NRDC: variants seen among roughly 807,000 people sequenced by gnomAD.
NRDC encodes nardilysin convertase, also known as nardilysin.
A neutral mutation model predicts 147.1 loss-of-function variants in NRDC; 54 were observed. That is an observed-to-expected ratio of 0.37 (90% CI 0.29 to 0.46). The LOEUF (loss-of-function observed/expected upper bound fraction) is 0.46. Among genes scored for constraint, NRDC ranks in the 20% least tolerant of loss-of-function variants. The probability of loss-of-function intolerance (pLI) is 1.00; values close to 1 mark genes in which losing one functional copy is unlikely to be tolerated. For missense variants in NRDC, 1,082 were observed against 1,370.6 expected (o/e 0.79, Z 3.33); for synonymous variants, 440 against 482.1 (o/e 0.91, Z 1.14).
chr1:51,827,714 A>C, intron 5 of NRDC, 82 bp downstream of exon 5: 3 of 1,039,542 alleles, frequency 2.9e-6, no homozygotes, highest in Non-Finnish European at 4.5e-6. Flanking sequence ...AAAATGGTCT[A>C]GAGATAAAGA....
At chr1:51,838,705 C>G (rs1681103921) in intron 2 of NRDC, among the ~76,000 whole-genome samples, 1 of 151,792 alleles carries the variant, frequency 6.6e-6, no homozygotes, top group Non-Finnish European at 1.5e-5. Flanking sequence ...AAGTAGAACC[C>G]AGGTTTCCTG....
intron 22 of NRDC, chr1:51,795,088 CATA>C (rs1371396317): frequency 1.2e-5 from 17 of 1,456,394 alleles, no homozygotes; most frequent in Non-Finnish European, 1.6e-5. Context: ...TCTGTTTACC[CATA>C]ATACAGTTTC....
intron 3 of NRDC, 71 bp downstream of exon 3, chr1:51,836,060 T>G (rs1260386373): frequency 1.8e-6 from 2 of 1,140,856 alleles, no homozygotes; most frequent in Non-Finnish European, 2.6e-6. Flanking sequence ...TTGCTAATCT[T>G]TGATATCAAT....
intron 6 of NRDC, among the ~76,000 whole-genome samples, chr1:51,824,211 C>T (rs1680342470): frequency 1.3e-5 from 2 of 151,550 alleles, no homozygotes; most frequent in Non-Finnish European, 2.9e-5. Flanking sequence ...TGGCAACCTC[C>T]ACCTCCTGGG....
At chr1:51,862,125 T>C (rs1383691068) in intron 1 of NRDC, 1 of 152,228 alleles carries the variant, frequency 6.6e-6, no homozygotes, top group Admixed American at 6.5e-5. Flanking sequence ...ACAATGTTAG[T>C]ATTAGCTGAT....
chr1:51,792,218 T>C, intron 25 of NRDC, 120 bp from the exon 26 acceptor site: 2 of 1,409,116 alleles, frequency 1.4e-6, no homozygotes, highest in South Asian at 1.2e-5. Context: ...TTTTTCCTAA[T>C]TGGCCCAGGC....
Position 51,873,479 on chromosome 1 carries a change from T to A in NRDC, c.341+4796A>T, listed in dbSNP as rs560547676. On this transcript the variant is annotated intron_variant, in intron 1 of 30. Coordinates refer to ENST00000352171, the MANE Select transcript of NRDC (RefSeq NM_001101662.2). ...CATTATTTTCTATAATATATGGAAT[T>A]TTTATTTATTTATTTATTTATTTAT... Among the ~76,000 whole-genome samples, 218 of 141,876 alleles carry A rather than the reference T, an allele frequency of 1.5e-3. 2 individuals are homozygous for A. Among genetic ancestry groups the A allele is most frequent in the East Asian group, 0.011 (51 of 4,814 alleles). 93.1% of individuals were successfully genotyped at this position (141,876 alleles called of 152,430 possible).
intron 11 of NRDC, chr1:51,815,981 T>C (rs2149204699): frequency 6.4e-6 from 1 of 155,526 alleles, no homozygotes; most frequent in African/African-American, 2.4e-5. Flanking sequence ...ATTTAAATAA[T>C]TGATTTCTTT....
chr1:51,823,636 AAC>A (rs1459556471), intron 7 of NRDC, 26 bp downstream of exon 7: 1 of 1,577,696 alleles, frequency 6.3e-7, no homozygotes, highest in Admixed American at 1.8e-5. Context: ...ACTTCAAGGT[AAC>A]TCTAAGAGCC....
At chr1:51,795,969 T>G (rs1455721268) in intron 22 of NRDC, among the ~76,000 whole-genome samples, 12 of 151,198 alleles carry the variant, frequency 7.9e-5, no homozygotes, top group Admixed American at 7.9e-4. Flanking sequence ...CAGCCTCCAC[T>G]TCCTGGGCTC....
In NRDC at chr1:51,825,285, AC is replaced by A; in HGVS notation, c.1036+1del. Reference sequence around the variant, plus strand: ...AATAAGATGATGTATTTAGTATCTTACCCCAAAAAAATTTTCCCATAGGATG... The same window carrying A: ...AATAAGATGATGTATTTAGTATCTTACCCAAAAAAATTTTCCCATAGGATG... On this transcript the variant is annotated splice_donor_variant, in intron 6 of 30. Coordinates refer to ENST00000352171, the MANE Select transcript of NRDC (RefSeq NM_001101662.2). LOFTEE classifies it high-confidence loss of function. 1 of 1,567,564 alleles carries A rather than the reference AC, an allele frequency of 6.4e-7. No homozygotes were observed. Among genetic ancestry groups the A allele is most frequent in the Non-Finnish European group, 8.7e-7 (1 of 1,147,726 alleles).
intron 1 of NRDC, among the ~76,000 whole-genome samples, chr1:51,863,906 A>C (rs72901948): frequency 0.025 from 3,855 of 152,306 alleles, 112 homozygotes; most frequent in South Asian, 0.095. Context: ...AAATATTGTA[A>C]ATTGAAAATG....
rs114900701 is a variant in NRDC, at chr1:51,819,317, T to C, written c.1291+483A>G. Among the ~76,000 whole-genome samples, 1,323 of 151,208 alleles carry C rather than the reference T, an allele frequency of 8.7e-3. 23 individuals carry two copies. The highest frequency in any genetic ancestry group is 0.031 in the African/African-American group (1,266 of 41,258). ...TGTCTCCAAAAAAAAAAAAAAGAAA[T>C]CCGATACAAATGACTTCTCTTCATG... On this transcript the variant is annotated intron_variant, in intron 9 of 30. Transcript: ENST00000352171.
intron 1 of NRDC, among the ~76,000 whole-genome samples, chr1:51,846,845 A>G (rs1681648119): frequency 6.6e-6 from 1 of 152,178 alleles, no homozygotes; most frequent in African/African-American, 2.4e-5. Context: ...TTCTACAGAG[A>G]GCTGATTGGT....
At chr1:51,819,954 A>G (rs1680139848) in intron 8 of NRDC, 81 bp from the exon 9 acceptor site, 2 of 1,044,302 alleles carry the variant, frequency 1.9e-6, no homozygotes, top group East Asian at 5.1e-5. Flanking sequence ...TAACTGAGAG[A>G]TATTTATAAT....
At chr1:51,837,296 T>G (rs1478618302) in intron 2 of NRDC, among the ~76,000 whole-genome samples, 2 of 152,248 alleles carry the variant, frequency 1.3e-5, no homozygotes, top group African/African-American at 4.8e-5. Context: ...AAAAATAGCA[T>G]GTACCTGGCA....
At chr1:51,847,753 CACACCTCCCCGCAGGCTGAGGGA>C (rs1681724690) in intron 1 of NRDC, among the ~76,000 whole-genome samples, 1 of 152,198 alleles carries the variant, frequency 6.6e-6, no homozygotes, top group Non-Finnish European at 1.5e-5. Flanking sequence ...CCTCTCCCTC[CACACCTCCCCGCAGGCTGAGGGA>C]GCCGGCTCCA....
chr1:51,834,278 A>C, intron 3 of NRDC, 108 bp from the exon 4 acceptor site: 26 of 1,062,270 alleles, frequency 2.4e-5, no homozygotes, highest in Non-Finnish European at 3.1e-5. Context: ...ATAGACCAAC[A>C]CATCAAATGG....
intron 18 of NRDC, among the ~76,000 whole-genome samples, chr1:51,806,253 C>A (rs1445719851): frequency 6.6e-6 from 1 of 152,128 alleles, no homozygotes; most frequent in Non-Finnish European, 1.5e-5. Flanking sequence ...GTTGGTGGGG[C>A]TTTCACATTT....
Sources: gnomAD v4.1 joint callset for allele counts (sites outside exome capture counted in the v4.1 genomes callset) on GRCh38, gnomAD v4.1.1 for gene constraint, MANE v1.5 for transcripts, NCBI Gene and HGNC (gene_info 2026-07-23, HGNC 2026-07-21) for gene names.